Variants in HMCN1 observed in about 807,000 individuals in gnomAD.
HMCN1 encodes hemicentin 1.
Under a neutral mutation model 625.9 loss-of-function variants are expected in HMCN1, and 321 were observed. The ratio of observed to expected loss-of-function variants is 0.51; its 90% CI spans 0.47 to 0.56. The LOEUF is 0.56. Among genes scored for constraint, HMCN1 ranks in the 20% least tolerant of loss-of-function variants. The pLI is 0.00. For missense variants in HMCN1, 6,588 were observed against 6,887.3 expected (o/e 0.96, Z 1.54); for synonymous variants, 2,425 against 2,417.6 (o/e 1.00, Z -0.09).
intron 85 of HMCN1, among the ~76,000 whole-genome samples, chr1:186,131,732 A>G (rs556354195): frequency 6.6e-6 from 1 of 152,278 alleles, no homozygotes; most frequent in Admixed American, 6.5e-5. Flanking sequence ...CTAGTCACCA[A>G]ATTGAAATTT....
chr1:186,076,651 G>A (rs1345658029), intron 54 of HMCN1, 29 bp downstream of exon 54: 4 of 1,597,780 alleles, frequency 2.5e-6, no homozygotes, highest in East Asian at 4.5e-5. Flanking sequence ...AGGGTGAAAA[G>A]CTGACTCTCT....
In HMCN1 at chr1:185,865,873, A is replaced by G. The variant is rs1277336944; in HGVS notation, c.621+10A>G. 4 of 1,613,300 alleles carry G rather than the reference A, an allele frequency of 2.5e-6. No homozygotes were observed. The highest frequency in any genetic ancestry group is 2.2e-5 in the South Asian group (2 of 91,072). On this transcript the variant is annotated intron_variant, in intron 4 of 106. Transcript: ENST00000271588. ...AAAACAAGTTAATGAGGTCAGTTTA[A>G]TAAAGGGAGTCTACTTTATTACCAG...
intron 36 of HMCN1, among the ~76,000 whole-genome samples, chr1:186,034,170 A>G (rs948741827): frequency 6.6e-6 from 1 of 152,162 alleles, no homozygotes; most frequent in Non-Finnish European, 1.5e-5. Context: ...ACACTTCCTC[A>G]CATGCCCTGC....
At chr1:186,095,151 GA>G in intron 67 of HMCN1, 91 bp from the exon 68 acceptor site, 1 of 1,296,440 alleles carries the variant, frequency 7.7e-7, no homozygotes. Flanking sequence ...ATCAACCACA[GA>G]AACATTATAG....
chr1:186,183,191 AG>A (rs754059240), intron 105 of HMCN1, among the ~76,000 whole-genome samples: 10 of 152,238 alleles, frequency 6.6e-5, no homozygotes, highest in Non-Finnish European at 1.3e-4. Context: ...AAGCTCCAAA[AG>A]AGTGCTTTAT....
chr1:186,030,213 T>G (rs1655330900), intron 36 of HMCN1, among the ~76,000 whole-genome samples: 1 of 152,160 alleles, frequency 6.6e-6, no homozygotes, highest in African/African-American at 2.4e-5. Flanking sequence ...CCACTTGCGT[T>G]ATAGGTTGTG....
chr1:185,923,269 T>G, intron 7 of HMCN1, 121 bp from the exon 8 acceptor site: 1 of 783,212 alleles, frequency 1.3e-6, no homozygotes, highest in South Asian at 1.5e-5. Context: ...ATTCTGCAAC[T>G]GATCCAGAAA....
chr1:186,171,828 T>G (rs953804053), intron 101 of HMCN1, among the ~76,000 whole-genome samples, 178 bp from the exon 102 acceptor site: 3 of 152,212 alleles, frequency 2.0e-5, no homozygotes, highest in African/African-American at 7.2e-5. Flanking sequence ...TTTTTGATTT[T>G]TATTATATTT....
chr1:185,737,940 AATGAG>A (rs1283776205), intron 1 of HMCN1, among the ~76,000 whole-genome samples: 1 of 152,192 alleles, frequency 6.6e-6, no homozygotes, highest in African/African-American at 2.4e-5. Context: ...ACAAGTTGAA[AATGAG>A]ATAAGACCAT....
At position 186,062,678 on chromosome 1, in the gene HMCN1, T is replaced by A. The variant is rs190957042; in HGVS notation, c.7513+78T>A. ...TTGCCTCCACTATATATCTTAAAAA[T>A]TTTTTATATATTTAGGGGGTACAAG... On this transcript the variant is annotated intron_variant, in intron 48 of 106. Transcript: ENST00000271588. The A allele has an allele frequency of 1.7e-3, 1,579 of 936,404 alleles. 2 individuals carry two copies. Among genetic ancestry groups the A allele is most frequent in the Admixed American group, 2.6e-3 (149 of 56,912 alleles). 58.0% of individuals were successfully genotyped at this position (936,404 alleles called of 1,614,324 possible).
chr1:186,151,601 T>TTTAGGTTCAGCAATGAGAAAGATA lies in HMCN1; in HGVS notation c.14759-4_14778dup. On this transcript the variant is annotated splice_region_variant and splice_polypyrimidine_tract_variant and intron_variant, in intron 94 of 106. Transcript: ENST00000271588. ...ATCACCTTATTTATCCTTTTTTTTC[T>TTTAGGTTCAGCAATGAGAAAGATA]TTAGGTTCAGCAATGAGAAAGATAG... is the stretch of plus-strand genomic sequence containing the variant. The TTTAGGTTCAGCAATGAGAAAGATA allele has an allele frequency of 6.2e-7, 1 of 1,610,870 alleles. No homozygotes were observed. Among genetic ancestry groups the TTTAGGTTCAGCAATGAGAAAGATA allele is most frequent in the Non-Finnish European group, 8.5e-7 (1 of 1,177,896 alleles).
intron 46 of HMCN1, 86 bp from the exon 47 acceptor site, chr1:186,061,765 T>G (rs992762248): frequency 3.7e-6 from 3 of 819,474 alleles, no homozygotes. Context: ...GATTAAATTT[T>G]TACCGAAATT....
Position 186,075,706 on chromosome 1 carries a change from ATATT to A in HMCN1, c.8291-715_8291-712del, listed in dbSNP as rs1222876322. 8.5e-5 allele frequency among the ~76,000 whole-genome samples: 13 copies of A among 152,282 alleles called. No homozygotes were observed. The South Asian group carries it at 1.9e-3, about 22-fold the overall frequency. On this transcript the variant is annotated intron_variant, in intron 53 of 106. Coordinates refer to ENST00000271588, the MANE Select transcript of HMCN1 (RefSeq NM_031935.3). ...GTTTCACCAGTTGAATATCCAAAAA[ATATT>A]TATTTAACCAGACTTCTATTGTTGA...
At chr1:185,814,067 T>C (rs932196028) in intron 1 of HMCN1, among the ~76,000 whole-genome samples, 1 of 152,192 alleles carries the variant, frequency 6.6e-6, no homozygotes, top group East Asian at 1.9e-4. Flanking sequence ...CTCTGAGTGA[T>C]AGGAATTCTA....
At chr1:186,061,376 A>G (rs1247953393) in intron 46 of HMCN1, among the ~76,000 whole-genome samples, 2 of 152,108 alleles carry the variant, frequency 1.3e-5, no homozygotes, top group Non-Finnish European at 2.9e-5. Flanking sequence ...CTCACTCACT[A>G]TGATGAGAAC....
intron 17 of HMCN1, 62 bp from the exon 18 acceptor site, chr1:185,982,200 G>C (rs1239233025): frequency 6.4e-7 from 1 of 1,557,776 alleles, no homozygotes; most frequent in Admixed American, 1.7e-5. Flanking sequence ...GGCCTGTGAA[G>C]TGGCTTACCT....
intron 11 of HMCN1, among the ~76,000 whole-genome samples, chr1:185,934,368 G>A (rs548390054): frequency 2.0e-5 from 3 of 152,042 alleles, no homozygotes; most frequent in East Asian, 1.9e-4. Context: ...ACATACACAC[G>A]CGAGTGCCTG....
At chr1:185,965,134 T>A (rs1571629443) in intron 13 of HMCN1, among the ~76,000 whole-genome samples, 1 of 152,086 alleles carries the variant, frequency 6.6e-6, no homozygotes, top group Non-Finnish European at 1.5e-5. Context: ...AGAGAAAATG[T>A]TTAAGTAAAC....
chr1:185,995,163 C>A, intron 24 of HMCN1, 76 bp downstream of exon 24: 1 of 1,306,952 alleles, frequency 7.7e-7, no homozygotes, highest in Non-Finnish European at 1.1e-6. Flanking sequence ...AATAGATTAT[C>A]TTCGATAATC....
Sources: gnomAD v4.1 joint callset for allele counts (sites outside exome capture counted in the v4.1 genomes callset) on GRCh38, gnomAD v4.1.1 for gene constraint, MANE v1.5 for transcripts, NCBI Gene and HGNC (gene_info 2026-07-23, HGNC 2026-07-21) for gene names.